The following ANO10 variants were observed in gnomAD, a reference collection of about 807,000 sequenced individuals.
The protein encoded by ANO10 is anoctamin 10, also known as anoctamin-10.
Under a neutral mutation model 74.7 loss-of-function variants are expected in ANO10, and 77 were observed. That is an observed-to-expected ratio of 1.03 (90% confidence interval 0.86 to 1.25). ANO10 has a LOEUF of 1.25. Ranked by LOEUF, ANO10 falls within the 50% of genes most tolerant of loss-of-function variation. The pLI, the probability that ANO10 is intolerant of heterozygous loss-of-function variation, is 0.00. For missense variants in ANO10, 721 were observed against 778.1 expected (o/e 0.93, Z 0.87); for synonymous variants, 279 against 284.9 (o/e 0.98, Z 0.21).
chr3:43,602,903 G>C (rs1255507948), intron 2 of ANO10, among the ~76,000 whole-genome samples: 1 of 152,086 alleles, frequency 6.6e-6, no homozygotes, highest in Non-Finnish European at 1.5e-5. Context: ...CATGCTTATA[G>C]AGCTATTTCT....
intron 8 of ANO10, among the ~76,000 whole-genome samples, chr3:43,563,194 T>C (rs768145328): frequency 2.0e-5 from 3 of 152,188 alleles, no homozygotes; most frequent in South Asian, 2.1e-4. Flanking sequence ...GACATTTACA[T>C]AGCCACAGGT....
In ANO10 at chr3:43,539,219, C is replaced by T. The variant is rs144205556; in HGVS notation, c.1797+10501G>A. Among the ~76,000 whole-genome samples the T allele has an allele frequency of 4.5e-4, 69 of 152,238 alleles. No homozygotes were observed. The East Asian group carries it at 0.013, about 28-fold the overall frequency. On this transcript the variant is annotated intron_variant, in intron 11 of 12. Transcript: ENST00000292246. ...ACGGGTCCCCTGCCACACAGAGCCA[C>T]CTCAAATGTATTCCCATTAGATTTG...
chr3:43,571,097 C>G (rs1447842353), intron 7 of ANO10, among the ~76,000 whole-genome samples: 1 of 151,620 alleles, frequency 6.6e-6, no homozygotes, highest in Admixed American at 6.6e-5. Flanking sequence ...CTCATCATCA[C>G]TGGCCATCAG....
At chr3:43,512,054 G>T (rs1422372855) in intron 11 of ANO10, among the ~76,000 whole-genome samples, 1 of 152,210 alleles carries the variant, frequency 6.6e-6, no homozygotes, top group Non-Finnish European at 1.5e-5. Flanking sequence ...GTAAGCTGGG[G>T]TGGGAGTGTG....
rs114574653 is a variant in ANO10 at position 43,485,909 on chromosome 3, G to A, written c.1798-53182C>T. Reference sequence around the variant, plus strand: ...GTCCTCTCCGCGCTCACCGCCACCCGCAAAAGGTACAGTTTATGTCTTTAC... The same window carrying A: ...GTCCTCTCCGCGCTCACCGCCACCCACAAAAGGTACAGTTTATGTCTTTAC... On this transcript the variant is annotated intron_variant, in intron 11 of 12. Transcript: ENST00000292246. The A allele has an allele frequency of 2.9e-3, 687 of 239,646 alleles. 4 individuals are homozygous for A. The highest frequency in any genetic ancestry group is 4.8e-3 in the African/African-American group (201 of 41,978). 14.8% of individuals were successfully genotyped at this position (239,646 alleles called of 1,614,324 possible).
intron 11 of ANO10, among the ~76,000 whole-genome samples, chr3:43,523,796 C>T (rs896909910): frequency 2.6e-5 from 4 of 152,188 alleles, no homozygotes; most frequent in East Asian, 1.9e-4. Context: ...GTAAAGGTAA[C>T]GCAAGCCATG....
chr3:43,548,326 A>G (rs868109705), intron 11 of ANO10, among the ~76,000 whole-genome samples: 145 of 152,282 alleles, frequency 9.5e-4, no homozygotes, highest in African/African-American at 3.2e-3. Flanking sequence ...GTCAAAGGTA[A>G]CTCTGTCTTG....
intron 4 of ANO10, among the ~76,000 whole-genome samples, chr3:43,596,432 A>G (rs952746131): frequency 2.0e-5 from 3 of 152,204 alleles, no homozygotes; most frequent in Non-Finnish European, 2.9e-5. Flanking sequence ...CCAATGGAAC[A>G]GAACAGAGCC....
chr3:43,642,681 A>T (rs1212013128), intron 1 of ANO10, among the ~76,000 whole-genome samples: 1 of 151,546 alleles, frequency 6.6e-6, no homozygotes, highest in Non-Finnish European at 1.5e-5. Context: ...CATTCCCCCC[A>T]CCTCCTATAG....
Position 43,598,519 on chromosome 3 carries a change from C to T in ANO10, c.472+13G>A. 1.9e-6 allele frequency: 3 copies of T among 1,612,398 alleles called. No individual in the cohort carries two copies. The highest frequency in any genetic ancestry group is 2.5e-6 in the Non-Finnish European group (3 of 1,179,486). On this transcript the variant is annotated intron_variant, in intron 4 of 12. Transcript: ENST00000292246. The stretch of plus-strand genomic sequence containing the variant: ...GTCTATTAAGAAAAAGACTGGTTGA[C>T]ATAATGACTTACACAATGATTTTCC...
chr3:43,398,127 T>C (rs1008863730), intron 12 of ANO10, among the ~76,000 whole-genome samples: 3 of 152,238 alleles, frequency 2.0e-5, no homozygotes, highest in Non-Finnish European at 4.4e-5. Flanking sequence ...AAGAGGACTC[T>C]GGACTCCACA....
At chr3:43,414,233 T>G (rs967996289) in intron 12 of ANO10, among the ~76,000 whole-genome samples, 4 of 152,276 alleles carry the variant, frequency 2.6e-5, no homozygotes, top group Non-Finnish European at 5.9e-5. Flanking sequence ...CTCTGTGCAG[T>G]TAGTCCTTTT....
chr3:43,654,693 G>A (rs1488286500), intron 1 of ANO10, among the ~76,000 whole-genome samples: 1 of 152,194 alleles, frequency 6.6e-6, no homozygotes. Flanking sequence ...CCAGCCAGAA[G>A]ATGGACAAGA....
At chr3:43,648,975 C>T (rs1007321943) in intron 1 of ANO10, among the ~76,000 whole-genome samples, 2 of 152,208 alleles carry the variant, frequency 1.3e-5, no homozygotes, top group Admixed American at 6.5e-5. Flanking sequence ...CGGCGCCCAG[C>T]CTTAGCTGGC....
At chr3:43,541,152 A>C (rs1055387298) in intron 11 of ANO10, among the ~76,000 whole-genome samples, 1 of 152,232 alleles carries the variant, frequency 6.6e-6, no homozygotes, top group Non-Finnish European at 1.5e-5. Flanking sequence ...TGGTGACCAG[A>C]TTAGTAACTT....
rs540485119 is a variant in ANO10, at chr3:43,640,118, G to A, written c.-11-34255C>T. 7.9e-5 allele frequency among the ~76,000 whole-genome samples: 12 copies of A among 152,272 alleles called. No homozygotes were observed. In the South Asian group the frequency reaches 2.5e-3, roughly 32 times the overall value. On this transcript the variant is annotated intron_variant, in intron 1 of 3. Coordinates refer to the ANO10 transcript ENST00000413397. ...CCACTCTACAAAGCTTTACTTGAAGGATTGATATTTAAACACATCAGTCAT... is the reference window on the plus strand; with the variant it reads ...CCACTCTACAAAGCTTTACTTGAAGAATTGATATTTAAACACATCAGTCAT...
chr3:43,641,555 T>C (rs1369067740), intron 1 of ANO10, among the ~76,000 whole-genome samples: 1 of 152,226 alleles, frequency 6.6e-6, no homozygotes, highest in Non-Finnish European at 1.5e-5. Context: ...TCTCCACCCA[T>C]TGCAGCCACG....
At chr3:43,639,071 T>C (rs56790806) in intron 1 of ANO10, 8,270 of 152,324 alleles carry the variant, frequency 0.054, 745 homozygotes, top group African/African-American at 0.19. Flanking sequence ...CCTCAGGACA[T>C]GGCATGGGCT....
chr3:43,566,859 A>G (rs1303699996), intron 7 of ANO10, among the ~76,000 whole-genome samples: 6 of 152,362 alleles, frequency 3.9e-5, no homozygotes, highest in Admixed American at 2.6e-4. Flanking sequence ...CTGAGAGAAG[A>G]AGGCTTCAGA....
Sources: gnomAD v4.1 joint callset for allele counts (sites outside exome capture counted in the v4.1 genomes callset) on GRCh38, gnomAD v4.1.1 for gene constraint, MANE v1.5 for transcripts, NCBI Gene and HGNC (gene_info 2026-07-23, HGNC 2026-07-21) for gene names.